Variants in SP100 observed in about 807,000 individuals in gnomAD.
SP100 encodes SP100 nuclear body protein.
SP100 carries 84 observed loss-of-function variants against 130.0 expected under a neutral mutation model. That is an observed-to-expected ratio of 0.65 (90% CI 0.54 to 0.77). The LOEUF (loss-of-function observed/expected upper bound fraction) is 0.77, where lower values mean the gene tolerates loss of function less well. Among genes scored for constraint, SP100 ranks in the 30% least tolerant of loss-of-function variants. The pLI is 0.00. For missense variants in SP100, 978 were observed against 1,052.2 expected (o/e 0.93, Z 0.97); for synonymous variants, 331 against 351.7 (o/e 0.94, Z 0.66).
At chr2:230,482,950 C>T (rs963534803) in intron 17 of SP100, among the ~76,000 whole-genome samples, 1 of 152,110 alleles carries the variant, frequency 6.6e-6, no homozygotes, top group Non-Finnish European at 1.5e-5. Flanking sequence ...ATTGAAATTG[C>T]ATAGAATAAA....
At chr2:230,442,774 T>A (rs985250089) in intron 2 of SP100, among the ~76,000 whole-genome samples, 163 bp from the exon 3 acceptor site, 1 of 152,262 alleles carries the variant, frequency 6.6e-6, no homozygotes. Context: ...CTATTACATC[T>A]TTTTTGTTGC....
intron 17 of SP100, among the ~76,000 whole-genome samples, chr2:230,487,287 G>A (rs771254788): frequency 3.9e-5 from 6 of 152,082 alleles, no homozygotes; most frequent in Admixed American, 6.5e-5. Flanking sequence ...TTTCTTCCAG[G>A]GATTTTATGG....
At chr2:230,441,780 T>C (rs1339473987) in intron 2 of SP100, among the ~76,000 whole-genome samples, 1 of 152,156 alleles carries the variant, frequency 6.6e-6, no homozygotes, top group Non-Finnish European at 1.5e-5. Context: ...TTCTGTTCAT[T>C]TCTCAAATAA....
intron 28 of SP100, 87 bp from the exon 29 acceptor site, chr2:230,542,749 C>A: frequency 1.4e-6 from 1 of 718,678 alleles, no homozygotes. Context: ...TTGGGATAAC[C>A]TAAAATGAGG....
intron 24 of SP100, among the ~76,000 whole-genome samples, chr2:230,528,984 A>C (rs149139370): frequency 6.6e-6 from 1 of 152,320 alleles, no homozygotes; most frequent in East Asian, 1.9e-4. Flanking sequence ...TCACAGCCCA[A>C]TTCTACCAGA....
chr2:230,521,093 C>G (rs965210888), intron 24 of SP100, among the ~76,000 whole-genome samples: 3 of 152,190 alleles, frequency 2.0e-5, no homozygotes, highest in Non-Finnish European at 4.4e-5. Context: ...AATCTGGAAG[C>G]CTGTTTACTT....
chr2:230,424,383 T>C (rs2062857905), intron 2 of SP100, among the ~76,000 whole-genome samples: 1 of 152,062 alleles, frequency 6.6e-6, no homozygotes, highest in African/African-American at 2.4e-5. Flanking sequence ...AGAGGAGAGA[T>C]TGGCTGGGTG....
intron 6 of SP100, 154 bp from the exon 7 acceptor site, chr2:230,449,407 T>C: frequency 1.1e-6 from 1 of 879,204 alleles, no homozygotes; most frequent in Non-Finnish European, 1.9e-6. Flanking sequence ...CCCATGTGCC[T>C]GCTTCACCAT....
At position 230,503,047 on chromosome 2, in the gene SP100, T is replaced by G; in HGVS notation, c.1721-19T>G. On this transcript the variant is annotated intron_variant, in intron 19 of 28. Transcript: ENST00000340126. ...TTGCAATGTAAAGAGACATTTATGTTGTTTTTCAACTTTCTCAGGAAGAAA... is the reference window on the plus strand; with the variant it reads ...TTGCAATGTAAAGAGACATTTATGTGGTTTTTCAACTTTCTCAGGAAGAAA... The G allele has an allele frequency of 6.3e-7, 1 of 1,584,078 alleles. No individual in the cohort carries two copies.
At chr2:230,526,043 A>C (rs796402759) in intron 24 of SP100, among the ~76,000 whole-genome samples, 5 of 152,340 alleles carry the variant, frequency 3.3e-5, no homozygotes, top group African/African-American at 1.2e-4. Context: ...ACAGCCCTGA[A>C]GAGAGCAGTG....
At chr2:230,483,750 A>T (rs759089993) in intron 17 of SP100, among the ~76,000 whole-genome samples, 4 of 152,224 alleles carry the variant, frequency 2.6e-5, no homozygotes, top group African/African-American at 9.6e-5. Context: ...TCATATACAC[A>T]TATACAGTCA....
chr2:230,431,397 C>G (rs1055946419), intron 2 of SP100, among the ~76,000 whole-genome samples: 3 of 152,186 alleles, frequency 2.0e-5, no homozygotes, highest in African/African-American at 2.4e-5. Context: ...GCTGTGCCAG[C>G]CTGGGGTAGG....
At chr2:230,468,534 G>A (rs2065076268) in intron 13 of SP100, among the ~76,000 whole-genome samples, 1 of 151,850 alleles carries the variant, frequency 6.6e-6, no homozygotes, top group African/African-American at 2.4e-5. Flanking sequence ...GCCAGGTGTG[G>A]TGGCTCACGC....
chr2:230,485,124 T>G (rs2066009832), intron 17 of SP100, among the ~76,000 whole-genome samples: 1 of 150,590 alleles, frequency 6.6e-6, no homozygotes, highest in Non-Finnish European at 1.5e-5. Flanking sequence ...ATTTTATTAT[T>G]TATTTTATTT....
chr2:230,528,457 T>C (rs1206032445), intron 24 of SP100, among the ~76,000 whole-genome samples: 1 of 152,166 alleles, frequency 6.6e-6, no homozygotes, highest in Non-Finnish European at 1.5e-5. Flanking sequence ...TAGCACTAAA[T>C]GCCCACAAGA....
chr2:230,541,983 G>C lies in SP100; in HGVS notation c.2495G>C (p.Gly832Ala). 6.2e-7 allele frequency: 1 copy of C among 1,614,084 alleles called. No individual in the cohort carries two copies. The highest frequency in any genetic ancestry group is 8.5e-7 in the Non-Finnish European group (1 of 1,179,964). ...GAGCAGATGTACACCCGAGTAGAAG[G>C]GTTTGTGCAGGACATGCGTCTCATC... Reference protein sequence around the residue: ...LNEQMYTRVEGFVQDMRLIFH... With the variant: ...LNEQMYTRVEAFVQDMRLIFH... Residue 832 changes from glycine (G) to alanine (A), a missense_variant, in exon 28 of 29, where the codon GGG (glycine) becomes GCG (alanine). Coordinates refer to ENST00000340126, the MANE Select transcript of SP100 (RefSeq NM_001080391.2).
At chr2:230,420,367 T>A (rs1306752447) in intron 2 of SP100, among the ~76,000 whole-genome samples, 1 of 152,214 alleles carries the variant, frequency 6.6e-6, no homozygotes, top group Non-Finnish European at 1.5e-5. Flanking sequence ...ACCTGTATAC[T>A]TTTCTTTTTC....
chr2:230,462,179 GA>G (rs1367895674), intron 9 of SP100, among the ~76,000 whole-genome samples: 2 of 151,830 alleles, frequency 1.3e-5, no homozygotes, highest in African/African-American at 4.8e-5. Flanking sequence ...GAGAGTGAAA[GA>G]AAAAAATAGA....
chr2:230,497,212 C>T (rs999441135), intron 18 of SP100, among the ~76,000 whole-genome samples: 7 of 152,124 alleles, frequency 4.6e-5, no homozygotes, highest in Admixed American at 4.6e-4. Flanking sequence ...CTCGAGTAAA[C>T]GGAACTAAAC....
Sources: allele counts gnomAD v4.1 joint callset (sites outside exome capture counted in the v4.1 genomes callset), GRCh38; gene constraint gnomAD v4.1.1; transcripts MANE v1.5; gene names NCBI Gene and HGNC (gene_info 2026-07-23, HGNC 2026-07-21).